The following AKAP6 variants were observed in gnomAD, a reference collection of about 807,000 sequenced individuals.
The protein encoded by AKAP6 is A-kinase anchor protein 6.
AKAP6 carries 58 observed loss-of-function variants against 188.5 expected under a neutral mutation model. That is an observed-to-expected ratio of 0.31 (90% CI 0.25 to 0.38). The LOEUF (loss-of-function observed/expected upper bound fraction) is 0.38, where lower values mean the gene tolerates loss of function less well. Ranked by LOEUF, AKAP6 falls within the 10% of genes least tolerant of loss-of-function variation. The pLI is 1.00. For synonymous variants in AKAP6, 989 were observed against 998.6 expected, an observed-to-expected ratio of 0.99 and a Z score of 0.18; for missense variants, 2,710 against 2,740.0, an observed-to-expected ratio of 0.99 and a Z score of 0.24.
intron 7 of AKAP6, among the ~76,000 whole-genome samples, chr14:32,628,323 T>C (rs1358856310): frequency 6.6e-6 from 1 of 152,134 alleles, no homozygotes; most frequent in Non-Finnish European, 1.5e-5. Flanking sequence ...AATTCAACTT[T>C]TAATTGAGGT....
At chr14:32,758,345 T>C (rs1357579451) in intron 11 of AKAP6, among the ~76,000 whole-genome samples, 1 of 152,242 alleles carries the variant, frequency 6.6e-6, no homozygotes, top group Admixed American at 6.5e-5. Context: ...CATTGGTTTC[T>C]TGTGGGTTAT....
At chr14:32,618,781 C>T (rs1043611472) in intron 7 of AKAP6, among the ~76,000 whole-genome samples, 1 of 152,154 alleles carries the variant, frequency 6.6e-6, no homozygotes, top group Non-Finnish European at 1.5e-5. Flanking sequence ...TGCTGTTTTC[C>T]ACAGGGATTG....
chr14:32,607,221 C>T (rs1250473492), intron 7 of AKAP6, among the ~76,000 whole-genome samples: 15 of 152,202 alleles, frequency 9.9e-5, no homozygotes, highest in Admixed American at 9.8e-4. Context: ...ATTGGATCTG[C>T]ATTCTTTTCT....
chr14:32,374,207 G>A lies in AKAP6; in HGVS notation c.-35+44799G>A, dbSNP rs117168226. Reference sequence around the variant, plus strand: ...AAGACTGGGAGATAGTCATCAAGGAGCAGCTAGTGCAGTTGGGAAAAACAC... The same window carrying A: ...AAGACTGGGAGATAGTCATCAAGGAACAGCTAGTGCAGTTGGGAAAAACAC... On this transcript the variant is annotated intron_variant, in intron 1 of 13. Coordinates refer to ENST00000280979, the MANE Select transcript of AKAP6 (RefSeq NM_004274.5). Among the ~76,000 whole-genome samples the A allele has an allele frequency of 9.4e-4, 143 of 151,898 alleles. 2 individuals carry two copies. The East Asian group carries it at 0.023, about 24-fold the overall frequency.
At chr14:32,716,319 T>C (rs1460272463) in intron 9 of AKAP6, among the ~76,000 whole-genome samples, 1 of 151,698 alleles carries the variant, frequency 6.6e-6, no homozygotes, top group Non-Finnish European at 1.5e-5. Context: ...CCTCCCTTCA[T>C]TAAGAGTCAA....
In AKAP6 at chr14:32,782,183, AAGGG is replaced by A. The variant is rs553132400; in HGVS notation, c.3588+8314_3588+8317del. ...CTGTCTCAAAAAAAGGAAAGAAAGG[AAGGG>A]AGGGAGGGAGGGAGGGAGGGAGGAA... On this transcript the variant is annotated intron_variant, in intron 12 of 13. Transcript: ENST00000280979. 5.6e-3 allele frequency among the ~76,000 whole-genome samples: 681 copies of A among 121,492 alleles called. 9 individuals are homozygous for A. Among genetic ancestry groups the A allele is most frequent in the African/African-American group, 0.019 (565 of 30,054 alleles). The allele number at this position is 121,492 out of a possible 152,430, so 79.7% of individuals were successfully genotyped here.
intron 3 of AKAP6, among the ~76,000 whole-genome samples, chr14:32,536,939 AGT>A (rs1395017605): frequency 2.6e-5 from 4 of 152,246 alleles, no homozygotes; most frequent in African/African-American, 4.8e-5. Flanking sequence ...TACCCAGTTT[AGT>A]GTTCTACTAT....
At chr14:32,337,426 T>C (rs1008296765) in intron 1 of AKAP6, among the ~76,000 whole-genome samples, 20 of 152,126 alleles carry the variant, frequency 1.3e-4, no homozygotes, top group African/African-American at 4.8e-4. Context: ...AAAGGACAGA[T>C]CTGAAAACAA....
chr14:32,633,060 G>C (rs559904586), intron 7 of AKAP6, among the ~76,000 whole-genome samples: 4 of 151,962 alleles, frequency 2.6e-5, no homozygotes, highest in African/African-American at 9.7e-5. Context: ...TGTTAACTGG[G>C]TCTTTTCTCT....
At chr14:32,352,241 C>A (rs1887311154) in intron 1 of AKAP6, among the ~76,000 whole-genome samples, 1 of 151,446 alleles carries the variant, frequency 6.6e-6, no homozygotes, top group African/African-American at 2.4e-5. Context: ...GTGCCTTTCC[C>A]AACCTCCCAT....
intron 2 of AKAP6, among the ~76,000 whole-genome samples, chr14:32,460,674 A>G (rs990314449): frequency 6.6e-6 from 1 of 152,176 alleles, no homozygotes; most frequent in Non-Finnish European, 1.5e-5. Context: ...TAGCTGCAGG[A>G]GTTTTTTTCA....
At chr14:32,634,966 C>T (rs1035354203) in intron 7 of AKAP6, among the ~76,000 whole-genome samples, 14 of 151,544 alleles carry the variant, frequency 9.2e-5, no homozygotes, top group African/African-American at 2.2e-4. Flanking sequence ...TCTTTAGCGG[C>T]GCTTTCTGAG....
chr14:32,803,613 T>G (rs1414213293), intron 12 of AKAP6, among the ~76,000 whole-genome samples: 1 of 152,160 alleles, frequency 6.6e-6, no homozygotes, highest in Non-Finnish European at 1.5e-5. Context: ...TCTGATTACT[T>G]TTGTTTACAT....
At chr14:32,673,166 A>G (rs985412395) in intron 7 of AKAP6, among the ~76,000 whole-genome samples, 4 of 152,264 alleles carry the variant, frequency 2.6e-5, no homozygotes, top group African/African-American at 7.2e-5. Flanking sequence ...ACAAGGTCAG[A>G]CCCATTATCT....
At chr14:32,574,482 CT>C (rs890528444) in intron 4 of AKAP6, among the ~76,000 whole-genome samples, 4 of 152,156 alleles carry the variant, frequency 2.6e-5, no homozygotes, top group African/African-American at 9.7e-5. Context: ...TTGTTTAGTG[CT>C]TTTTGGCTAA....
At chr14:32,599,266 A>G in intron 5 of AKAP6, 144 bp from the exon 6 acceptor site, 1 of 606,144 alleles carries the variant, frequency 1.6e-6, no homozygotes. Context: ...CCCAAATATC[A>G]ATAGCTTTTA....
Position 32,753,017 on chromosome 14 carries a change from G to A in AKAP6, c.3372+17135G>A, listed in dbSNP as rs551026352. Among the ~76,000 whole-genome samples the A allele has an allele frequency of 6.6e-5, 10 of 152,268 alleles. No individual in the cohort carries two copies. The South Asian group carries it at 2.1e-3, about 32-fold the overall frequency. ...TGAATAATGCAATGAAAATGGTAGT[G>A]CAGACATCTTTTTGACATACTGATT... On this transcript the variant is annotated intron_variant, in intron 11 of 13. Coordinates refer to ENST00000280979, the MANE Select transcript of AKAP6 (RefSeq NM_004274.5).
chr14:32,486,965 G>C (rs977410588), intron 2 of AKAP6, among the ~76,000 whole-genome samples: 1 of 152,160 alleles, frequency 6.6e-6, no homozygotes, highest in Non-Finnish European at 1.5e-5. Flanking sequence ...ATCATAAATA[G>C]TTCTTATTAT....
chr14:32,753,800 T>G (rs1021340201), intron 11 of AKAP6, among the ~76,000 whole-genome samples: 7 of 152,158 alleles, frequency 4.6e-5, no homozygotes, highest in African/African-American at 1.7e-4. Flanking sequence ...GGCGTGTTCT[T>G]GCTACCTTTG....
Sources: gnomAD v4.1 joint callset for allele counts (sites outside exome capture counted in the v4.1 genomes callset) on GRCh38, gnomAD v4.1.1 for gene constraint, MANE v1.5 for transcripts, NCBI Gene and HGNC (gene_info 2026-07-23, HGNC 2026-07-21) for gene names.